TRIM6: variants seen among roughly 807,000 people sequenced by gnomAD.
TRIM6 encodes tripartite motif-containing protein 6.
Under a neutral mutation model 51.2 loss-of-function variants are expected in TRIM6, and 43 were observed. The observed-to-expected ratio is 0.84, with a 90% CI of 0.66 to 1.08. TRIM6 has a LOEUF of 1.08. Ranked by LOEUF, TRIM6 falls within the 50% of genes least tolerant of loss-of-function variation. The probability of loss-of-function intolerance (pLI) is 0.00; values close to 1 mark genes in which losing one functional copy is unlikely to be tolerated. For synonymous variants in TRIM6, 215 were observed against 232.4 expected (o/e 0.93, Z 0.68); for missense variants, 669 against 619.0 (o/e 1.08, Z -0.86).
rs1303229843 is a variant in TRIM6 at position 5,603,439 on chromosome 11, G to T, written c.211G>T (p.Gly71Cys). Residue 71 changes from glycine to cysteine, a missense_variant, in exon 2 of 8, where the codon GGC (glycine) becomes TGC (cysteine). Gly to Cys is a radical substitution (Grantham distance 159, BLOSUM62 -3). Coordinates refer to ENST00000380097, the MANE Select transcript of TRIM6 (RefSeq NM_001003818.3). ...CTGCCAAGCCTGCATCACACCAAAT[G>T]GCAGGGAATCAGTGATTGGTCAAGA... ...SFCQACITPNGRESVIGQEGE... is the reference protein window; with the variant it reads ...SFCQACITPNCRESVIGQEGE... 1 of 1,614,108 alleles carries T rather than the reference G, an allele frequency of 6.2e-7. No homozygotes were observed. The highest frequency in any genetic ancestry group is 1.7e-5 in the Admixed American group (1 of 60,000).
intron 1 of TRIM6, among the ~76,000 whole-genome samples, chr11:5,599,984 T>C (rs1270919019): frequency 1.3e-5 from 2 of 152,110 alleles, no homozygotes; most frequent in Admixed American, 6.5e-5. Context: ...GTGGGTATGG[T>C]AGGAGATATT....
chr11:5,608,815 T>C (rs1590113623), intron 5 of TRIM6, among the ~76,000 whole-genome samples: 1 of 147,512 alleles, frequency 6.8e-6, no homozygotes, highest in Non-Finnish European at 1.5e-5. Flanking sequence ...TATAGTTACC[T>C]CAAAATACAC....
rs201941845 is a variant in TRIM6 at position 5,605,423 on chromosome 11, G to C, written c.690G>C (p.Leu230=). Reference sequence around the variant, plus strand: ...TAGACAGAGTGGAGCAACGGGAGCTGAAAAAGCTGGAACAGGAAGAGAAGA... The same window carrying C: ...TAGACAGAGTGGAGCAACGGGAGCTCAAAAAGCTGGAACAGGAAGAGAAGA... The part of the protein sequence containing the change: ...NILDRVEQRE[L]KKLEQEEKKG... The change falls in exon 4 of 8, where the codon CTG becomes CTC. Residue 230 remains leucine (L), a synonymous_variant. Transcript: ENST00000380097. The C allele has an allele frequency of 1.2e-6, 2 of 1,614,180 alleles. No individual in the cohort carries two copies.
chr11:5,605,502 T>C lies in TRIM6; in HGVS notation c.769T>C (p.Ser257Pro). The change falls in exon 4 of 8, where the codon TCG becomes CCG. Residue 257 changes from serine to proline, a missense_variant. Coordinates refer to ENST00000380097, the MANE Select transcript of TRIM6 (RefSeq NM_001003818.3). Reference protein sequence around the residue: ...AENDLVHQTQSLRELISDLER... With the variant: ...AENDLVHQTQPLRELISDLER... Reference sequence around the variant, plus strand: ...GAATGATCTGGTCCACCAGACCCAGTCGCTGCGAGAGCTCATCTCGGATCT... The same window carrying C: ...GAATGATCTGGTCCACCAGACCCAGCCGCTGCGAGAGCTCATCTCGGATCT... 1.2e-6 allele frequency: 2 copies of C among 1,614,102 alleles called. No individual in the cohort carries two copies. Among genetic ancestry groups the C allele is most frequent in the Non-Finnish European group, 1.7e-6 (2 of 1,180,022 alleles).
chr11:5,608,890 G>A (rs1331675039), intron 5 of TRIM6, among the ~76,000 whole-genome samples: 3 of 118,012 alleles, frequency 2.5e-5, no homozygotes, highest in South Asian at 2.9e-4. Context: ...TCACTCTGTC[G>A]CCCAGGCTGG....
chr11:5,603,443 G>A lies in TRIM6; in HGVS notation c.215G>A (p.Arg72Lys). ...FCQACITPNG[R>K]ESVIGQEGER... ...CAAGCCTGCATCACACCAAATGGCA[G>A]GGAATCAGTGATTGGTCAAGAAGGG... Residue 72 changes from arginine (R) to lysine (K), a missense_variant, in exon 2 of 8, where the codon AGG (arginine) becomes AAG (lysine). Arg to Lys is a conservative substitution (Grantham distance 26). Coordinates refer to ENST00000380097, the MANE Select transcript of TRIM6 (RefSeq NM_001003818.3). 6.2e-7 allele frequency: 1 copy of A among 1,614,120 alleles called. No homozygotes were observed. Among genetic ancestry groups the A allele is most frequent in the African/African-American group, 1.3e-5 (1 of 75,028 alleles).
chr11:5,606,573 T>C (rs973258452), intron 4 of TRIM6, among the ~76,000 whole-genome samples: 1 of 152,224 alleles, frequency 6.6e-6, no homozygotes, highest in African/African-American at 2.4e-5. Flanking sequence ...ACTTTCTGCC[T>C]GTTACAGCTT....
At position 5,596,773 on chromosome 11, in the gene TRIM6, A is replaced by T; in HGVS notation, c.-125A>T. ...AGCAGAGTCGTGCGTGGTTGAGTTT[A>T]GATAAAAGCCGAGTGAGCGCGCTCT... On this transcript the variant is annotated 5_prime_UTR_variant, in exon 1 of 8. Transcript: ENST00000380097. The T allele has an allele frequency of 6.8e-7, 1 of 1,460,558 alleles. No individual in the cohort carries two copies. 90.5% of individuals were successfully genotyped at this position (1,460,558 alleles called of 1,614,324 possible). A position where few individuals can be genotyped will look rare whatever the true frequency, so the allele number is the denominator to read the frequency against.
intron 5 of TRIM6, 59 bp from the exon 6 acceptor site, chr11:5,610,086 G>T (rs1848480016): frequency 6.3e-7 from 1 of 1,575,254 alleles, no homozygotes; most frequent in South Asian, 1.1e-5. Flanking sequence ...TAAGGGAGAT[G>T]GGTGGTGGAG....
At chr11:5,608,063 G>C (rs935138823) in intron 4 of TRIM6, among the ~76,000 whole-genome samples, 5 of 152,186 alleles carry the variant, frequency 3.3e-5, no homozygotes, top group African/African-American at 1.2e-4. Context: ...TTCATCATCT[G>C]AGGTTCTCTA....
At chr11:5,608,452 C>G in intron 5 of TRIM6, 58 bp downstream of exon 5, 1 of 1,604,904 alleles carries the variant, frequency 6.2e-7, no homozygotes, top group Non-Finnish European at 8.5e-7. Flanking sequence ...TTCCTTTACC[C>G]ATGATCAGTG....
intron 6 of TRIM6, 86 bp downstream of exon 6, chr11:5,610,331 G>T: frequency 6.3e-7 from 1 of 1,595,348 alleles, no homozygotes. Flanking sequence ...GTCGGTATTT[G>T]AGCATAGTGG....
chr11:5,608,416 G>C, intron 5 of TRIM6, 22 bp downstream of exon 5: 1 of 1,613,258 alleles, frequency 6.2e-7, no homozygotes. Context: ...GAGAACATGA[G>C]GTAGTTCCCC....
In TRIM6 at chr11:5,612,918, T is replaced by A. The variant is rs538571572; in HGVS notation, c.*1576T>A. On this transcript the variant is annotated 3_prime_UTR_variant, in exon 8 of 8. Transcript: ENST00000380097. ...TGTATTGCAATGATAATATGTTGGC[T>A]CTATTGGATTAAATAAAGTATGTTA... 1.4e-4 allele frequency: 21 copies of A among 152,356 alleles called. No homozygotes were observed. The East Asian group carries it at 2.9e-3, about 21-fold the overall frequency. 9.4% of individuals were successfully genotyped at this position (152,356 alleles called of 1,614,324 possible).
Position 5,610,049 on chromosome 11 carries a change from T to C in TRIM6, c.858-96T>C, listed in dbSNP as rs111846917. On this transcript the variant is annotated intron_variant, in intron 5 of 7. Coordinates refer to ENST00000380097, the MANE Select transcript of TRIM6 (RefSeq NM_001003818.3). ...TGCTAAGTGTATTCAGAAAGGAGGATTGGAATTCATCAGTAGGCTTGGGAG... is the reference window on the plus strand; with the variant it reads ...TGCTAAGTGTATTCAGAAAGGAGGACTGGAATTCATCAGTAGGCTTGGGAG... The C allele has an allele frequency of 5.7e-4, 731 of 1,277,418 alleles. 4 individuals are homozygous for C. In the African/African-American group the frequency reaches 8.9e-3, roughly 16 times the overall value. The allele number at this position is 1,277,418 out of a possible 1,614,324, so 79.1% of individuals were successfully genotyped here.
rs1342294571 is a variant in TRIM6, at chr11:5,603,365, G to C, written c.137G>C (p.Cys46Ser). ...DIREEVTCPI[C>S]LELLTEPLSI... ...CGAGAAGAGGTGACCTGCCCTATCT[G>C]CCTGGAGCTCCTAACAGAACCCCTG... The change falls in exon 2 of 8, where the codon TGC (cysteine) becomes TCC (serine). Residue 46 changes from cysteine to serine, a missense_variant. Transcript: ENST00000380097. The C allele has an allele frequency of 1.2e-6, 2 of 1,613,956 alleles. No individual in the cohort carries two copies. The highest frequency in any genetic ancestry group is 1.7e-6 in the Non-Finnish European group (2 of 1,180,008).
intron 2 of TRIM6, 31 bp from the exon 3 acceptor site, chr11:5,604,503 A>T (rs183048538): frequency 1.3e-6 from 2 of 1,597,468 alleles, no homozygotes; most frequent in South Asian, 2.3e-5. Flanking sequence ...TGAAGGCTTG[A>T]TCCTGCTTGA....
chr11:5,609,913 A>C (rs35434000), intron 5 of TRIM6, among the ~76,000 whole-genome samples: 5,352 of 151,316 alleles, frequency 0.035, 119 homozygotes, highest in Non-Finnish European at 0.053. Flanking sequence ...ACAGAGCGAG[A>C]CTCCTTCTCA....
At chr11:5,608,309 G>T in intron 4 of TRIM6, 63 bp from the exon 5 acceptor site, 1 of 1,605,794 alleles carries the variant, frequency 6.2e-7, no homozygotes, top group South Asian at 1.1e-5. Context: ...GACATGGAAG[G>T]AGAAATGTGG....
Sources: allele counts gnomAD v4.1 joint callset (sites outside exome capture counted in the v4.1 genomes callset), GRCh38; gene constraint gnomAD v4.1.1; transcripts MANE v1.5; gene names NCBI Gene and HGNC (gene_info 2026-07-23, HGNC 2026-07-21).